Variants in NRXN1 observed in about 807,000 individuals in gnomAD.
NRXN1 encodes the protein neurexin-1.
Under a neutral mutation model 150.9 loss-of-function variants are expected in NRXN1, and 39 were observed. The observed-to-expected ratio is 0.26, with a 90% CI of 0.20 to 0.34. NRXN1 has a LOEUF of 0.34. Among genes scored for constraint, NRXN1 ranks in the 10% least tolerant of loss-of-function variants. The probability of loss-of-function intolerance (pLI) is 1.00; values close to 1 mark genes in which losing one functional copy is unlikely to be tolerated. For synonymous variants in NRXN1, 924 were observed against 757.0 expected (o/e 1.22, Z -3.62); for missense variants, 1,815 against 1,949.9 (o/e 0.93, Z 1.30).
chr2:50,634,600 T>C (rs1203565251), intron 5 of NRXN1, among the ~76,000 whole-genome samples: 1 of 152,204 alleles, frequency 6.6e-6, no homozygotes, highest in Non-Finnish European at 1.5e-5. Flanking sequence ...CCCCATCTCT[T>C]AATATCTTGG....
Position 50,075,640 on chromosome 2 carries a change from GCTT to G in NRXN1, c.3718+15680_3718+15682del. ...TTATATAGGAGTAACTATCAATAGT[GCTT>G]CTTTTTTTATCAGAATTGTGTCTGT... On this transcript the variant is annotated intron_variant, in intron 19 of 22. Transcript: ENST00000401669. Among the ~76,000 whole-genome samples, 4 of 152,220 alleles carry G rather than the reference GCTT, an allele frequency of 2.6e-5. No homozygotes were observed. The Middle Eastern group carries it at 0.01, about 388-fold the overall frequency.
At chr2:50,739,833 A>G (rs1401850346) in intron 5 of NRXN1, among the ~76,000 whole-genome samples, 7 of 152,164 alleles carry the variant, frequency 4.6e-5, no homozygotes, top group Non-Finnish European at 7.4e-5. Context: ...ATCAAAAGGA[A>G]ATATGTGGAG....
intron 5 of NRXN1, among the ~76,000 whole-genome samples, chr2:50,884,182 T>C (rs1439196314): frequency 1.3e-5 from 2 of 151,812 alleles, no homozygotes; most frequent in Non-Finnish European, 2.9e-5. Flanking sequence ...TTTAAAAATT[T>C]ACAGGAAAAA....
intron 18 of NRXN1, among the ~76,000 whole-genome samples, chr2:50,165,589 T>G (rs962130836): frequency 6.6e-6 from 1 of 152,140 alleles, no homozygotes; most frequent in African/African-American, 2.4e-5. Flanking sequence ...CCTCAGGTGA[T>G]ACACCCACCT....
At chr2:51,003,952 G>T (rs1266336302) in intron 2 of NRXN1, among the ~76,000 whole-genome samples, 2 of 151,706 alleles carry the variant, frequency 1.3e-5, no homozygotes, top group African/African-American at 4.8e-5. Context: ...TAGACCTGCA[G>T]AAAACCGGTT....
intron 21 of NRXN1, among the ~76,000 whole-genome samples, chr2:50,006,155 G>C (rs543043776): frequency 6.6e-6 from 1 of 152,136 alleles, no homozygotes; most frequent in African/African-American, 2.4e-5. Flanking sequence ...CATCCTCAAA[G>C]CTCATAATCA....
At chr2:50,995,413 A>G (rs1699117412) in intron 2 of NRXN1, among the ~76,000 whole-genome samples, 1 of 151,948 alleles carries the variant, frequency 6.6e-6, no homozygotes, top group East Asian at 1.9e-4. Flanking sequence ...CCTGTCCAAC[A>G]GGACAAAACA....
At chr2:50,622,606 A>G (rs1466248810) in intron 6 of NRXN1, among the ~76,000 whole-genome samples, 3 of 152,192 alleles carry the variant, frequency 2.0e-5, no homozygotes, top group Non-Finnish European at 2.9e-5. Flanking sequence ...AACATACAGT[A>G]TATGTAGACC....
chr2:50,830,206 T>C (rs1315846750), intron 5 of NRXN1, among the ~76,000 whole-genome samples: 2 of 151,946 alleles, frequency 1.3e-5, no homozygotes, highest in African/African-American at 4.8e-5. Flanking sequence ...AGATTTGGAT[T>C]ATGAAAAATT....
At chr2:49,964,041 C>T (rs888470474) in intron 21 of NRXN1, among the ~76,000 whole-genome samples, 1 of 152,156 alleles carries the variant, frequency 6.6e-6, no homozygotes, top group African/African-American at 2.4e-5. Flanking sequence ...CACAGAGGCA[C>T]AATGCTTCTA....
chr2:50,548,453 C>T (rs1282311691), intron 9 of NRXN1, among the ~76,000 whole-genome samples: 2 of 152,066 alleles, frequency 1.3e-5, no homozygotes, highest in Admixed American at 1.3e-4. Flanking sequence ...TAAATAAATG[C>T]TTACAGTTAA....
At chr2:50,882,354 G>A (rs1164932755) in intron 5 of NRXN1, among the ~76,000 whole-genome samples, 1 of 151,830 alleles carries the variant, frequency 6.6e-6, no homozygotes. Flanking sequence ...CTTCATTTAT[G>A]AAATTCCTAC....
chr2:50,668,592 A>G (rs1429994763), intron 5 of NRXN1, among the ~76,000 whole-genome samples: 3 of 152,030 alleles, frequency 2.0e-5, no homozygotes, highest in Non-Finnish European at 2.9e-5. Flanking sequence ...TGTGATATCA[A>G]TATTTCTTCT....
chr2:50,921,242 A>G (rs1333366326), intron 5 of NRXN1, among the ~76,000 whole-genome samples: 2 of 151,824 alleles, frequency 1.3e-5, no homozygotes, highest in South Asian at 2.1e-4. Flanking sequence ...TCGTACCAAC[A>G]TCATCAAAGA....
intron 12 of NRXN1, among the ~76,000 whole-genome samples, chr2:50,527,521 C>T (rs1328747287): frequency 6.6e-6 from 1 of 152,016 alleles, no homozygotes; most frequent in East Asian, 1.9e-4. Flanking sequence ...CATTCTGTTA[C>T]TTTTTTATTG....
At chr2:50,910,105 C>T in intron 5 of NRXN1, among the ~76,000 whole-genome samples, 1 of 151,754 alleles carries the variant, frequency 6.6e-6, no homozygotes, top group East Asian at 1.9e-4. Flanking sequence ...TCTCTTTCTG[C>T]CCCCTTCCAT....
intron 2 of NRXN1, among the ~76,000 whole-genome samples, chr2:50,956,758 T>TA (rs1421444338): frequency 1.3e-5 from 2 of 151,750 alleles, no homozygotes; most frequent in Non-Finnish European, 2.9e-5. Flanking sequence ...ATTTAAAAAA[T>TA]AAAAAGCAAG....
chr2:50,487,257 C>G lies in NRXN1; in HGVS notation c.3070+8648G>C, dbSNP rs185077397. Among the ~76,000 whole-genome samples, 107 of 152,276 alleles carry G rather than the reference C, an allele frequency of 7.0e-4. 1 individual carries two copies. The highest frequency in any genetic ancestry group is 7.0e-3 in the Admixed American group (107 of 15,286). On this transcript the variant is annotated intron_variant, in intron 15 of 22. Transcript: ENST00000401669. ...ATACACAAAAGAAATGGCAGAGATG[C>G]TATTTCACCCAGGTCTTTCTGACGT...
At chr2:50,447,778 T>TATAC (rs1367167277) in intron 17 of NRXN1, among the ~76,000 whole-genome samples, 1 of 118,716 alleles carries the variant, frequency 8.4e-6, no homozygotes, top group Non-Finnish European at 1.7e-5. Flanking sequence ...TATATATATA[T>TATAC]ACCTAATTCC....
Sources: allele counts gnomAD v4.1 joint callset (sites outside exome capture counted in the v4.1 genomes callset), GRCh38; gene constraint gnomAD v4.1.1; transcripts MANE v1.5; gene names NCBI Gene and HGNC (gene_info 2026-07-23, HGNC 2026-07-21).